The following CACNG7 variants were observed in gnomAD, a reference collection of about 807,000 sequenced individuals.
The protein encoded by CACNG7 is calcium voltage-gated channel auxiliary subunit gamma 7.
A neutral mutation model predicts 26.3 loss-of-function variants in CACNG7; 9 were observed. The ratio of observed to expected loss-of-function variants is 0.34; its 90% CI spans 0.21 to 0.60. The LOEUF (loss-of-function observed/expected upper bound fraction) is 0.60. Ranked by LOEUF, CACNG7 falls within the 20% of genes least tolerant of loss-of-function variation. CACNG7 has a pLI of 0.81. For missense variants in CACNG7, 297 were observed against 380.4 expected, an observed-to-expected ratio of 0.78 and a Z score of 1.82; for synonymous variants, 170 against 157.0, an observed-to-expected ratio of 1.08 and a Z score of -0.62.
chr19:53,910,591 G>A (rs1235071253), intron 1 of CACNG7, among the ~76,000 whole-genome samples: 1 of 152,146 alleles, frequency 6.6e-6, no homozygotes, highest in Non-Finnish European at 1.5e-5. Flanking sequence ...GGGATGTAGA[G>A]GTCTCTGGTT....
intron 4 of CACNG7, among the ~76,000 whole-genome samples, chr19:53,931,194 T>G (rs2069069080): frequency 6.6e-6 from 1 of 152,162 alleles, no homozygotes; most frequent in Non-Finnish European, 1.5e-5. Flanking sequence ...AGATCTTGTC[T>G]CTAAATAAAT....
chr19:53,922,066 C>CCCAGGTCTGGTATTGGTGGAGTTGT lies in CACNG7; in HGVS notation c.424+6563_424+6564insAGGTCTGGTATTGGTGGAGTTGTCC, dbSNP rs2068962227. ...CCCAGGCCTGGTATTGGTGGAGTTG[C>CCCAGGTCTGGTATTGGTGGAGTTGT]CCCAGGTCTGGTATTGGTGGAGTTG... is the stretch of plus-strand genomic sequence containing the variant. On this transcript the variant is annotated intron_variant, in intron 4 of 5. Coordinates refer to ENST00000391767, the MANE Select transcript of CACNG7 (RefSeq NM_031896.5). 3.0e-5 allele frequency among the ~76,000 whole-genome samples: 2 copies of CCCAGGTCTGGTATTGGTGGAGTTGT among 66,586 alleles called. 1 individual carries two copies. Among genetic ancestry groups the CCCAGGTCTGGTATTGGTGGAGTTGT allele is most frequent in the Non-Finnish European group, 6.0e-5 (2 of 33,340 alleles). The allele number at this position is 66,586 out of a possible 152,430, so 43.7% of individuals were successfully genotyped here. A position where few individuals can be genotyped will look rare whatever the true frequency, so the allele number is the denominator to read the frequency against.
chr19:53,924,201 T>TC (rs2068999404), intron 4 of CACNG7, among the ~76,000 whole-genome samples: 3 of 123,310 alleles, frequency 2.4e-5, no homozygotes, highest in Admixed American at 8.7e-5. Context: ...GGTGGAGTTG[T>TC]CCCAGGTCTG....
At chr19:53,920,775 G>GTTGCCCCAGGCTGGTTATTGGTGGAC (rs2068940113) in intron 4 of CACNG7, among the ~76,000 whole-genome samples, 1 of 71,402 alleles carries the variant, frequency 1.4e-5, no homozygotes, top group African/African-American at 1.2e-4. Flanking sequence ...CATTGGTGGA[G>GTTGCCCCAGGCTGGTTATTGGTGGAC]TTGCCCCAGG....
At chr19:53,911,276 G>C (rs751010403) in intron 1 of CACNG7, among the ~76,000 whole-genome samples, 29 of 152,028 alleles carry the variant, frequency 1.9e-4, no homozygotes, top group Non-Finnish European at 3.5e-4. Flanking sequence ...ATGTTGGCCA[G>C]GCTGGTCTCA....
Position 53,943,773 on chromosome 19 carries a change from G to C in CACNG7, c.*1480G>C, listed in dbSNP as rs1389068374. ...TAGAGGGGGCTTAGTCTGGGTCTCT[G>C]CTTCTAGGGTTGCAGGCCTAAAGTA... is the stretch of plus-strand genomic sequence containing the variant. On this transcript the variant is annotated 3_prime_UTR_variant, in exon 6 of 6. Coordinates refer to ENST00000391767, the MANE Select transcript of CACNG7 (RefSeq NM_031896.5). 6.6e-6 allele frequency: 1 copy of C among 152,140 alleles called. No homozygotes were observed. The highest frequency in any genetic ancestry group is 1.5e-5 in the Non-Finnish European group (1 of 68,014). The allele number at this position is 152,140 out of a possible 1,614,324, so 9.4% of individuals were successfully genotyped here.
intron 2 of CACNG7, 41 bp from the exon 3 acceptor site, chr19:53,914,459 G>A (rs1479078659): frequency 3.2e-6 from 5 of 1,578,314 alleles, no homozygotes; most frequent in South Asian, 2.2e-5. Context: ...CTAGAGCTTA[G>A]GAGCCTCTCA....
At chr19:53,930,069 T>C (rs2069060576) in intron 4 of CACNG7, among the ~76,000 whole-genome samples, 1 of 107,240 alleles carries the variant, frequency 9.3e-6, no homozygotes, top group Non-Finnish European at 1.7e-5. Flanking sequence ...TGGTGCTACA[T>C]GCTACAAAAA....
intron 4 of CACNG7, among the ~76,000 whole-genome samples, chr19:53,922,213 T>TATTGGTGGAGTTGTCCCCAGGTCTGGTC (rs1568775204): frequency 1.2e-5 from 1 of 84,472 alleles, no homozygotes; most frequent in Admixed American, 1.2e-4. Context: ...CCAGGTCTGG[T>TATTGGTGGAGTTGTCCCCAGGTCTGGTC]ATTGGTGGAG....
chr19:53,916,666 T>A (rs2145899591), intron 4 of CACNG7, among the ~76,000 whole-genome samples: 1 of 150,370 alleles, frequency 6.7e-6, no homozygotes, highest in Admixed American at 6.6e-5. Flanking sequence ...TTTTCTATTT[T>A]TTTTTTTTTT....
chr19:53,923,948 A>C (rs1160695201), intron 4 of CACNG7, among the ~76,000 whole-genome samples: 1 of 106,746 alleles, frequency 9.4e-6, no homozygotes, highest in Non-Finnish European at 1.8e-5. Flanking sequence ...GTATTGGTGG[A>C]GTTGTCCCCA....
In CACNG7 at chr19:53,925,107, T is replaced by C. The variant is rs1482986936; in HGVS notation, c.424+9602T>C. 4.1e-3 allele frequency among the ~76,000 whole-genome samples: 176 copies of C among 42,794 alleles called. 8 individuals are homozygous for C. Among genetic ancestry groups the C allele is most frequent in the African/African-American group, 5.0e-3 (34 of 6,746 alleles). 28.1% of individuals were successfully genotyped at this position (42,794 alleles called of 152,430 possible). A position where few individuals can be genotyped will look rare whatever the true frequency, so the allele number is the denominator to read the frequency against. Reference sequence around the variant, plus strand: ...AGGTCTGGTCATTGGTGGACTTGCCTAGGGCTGGTCATTGGTGGACTTGCC... The same window carrying C: ...AGGTCTGGTCATTGGTGGACTTGCCCAGGGCTGGTCATTGGTGGACTTGCC... On this transcript the variant is annotated intron_variant, in intron 4 of 5. Transcript: ENST00000391767.
chr19:53,915,423 C>T lies in CACNG7; in HGVS notation c.342C>T (p.Ala114=). 1 of 1,614,126 alleles carries T rather than the reference C, an allele frequency of 6.2e-7. No individual in the cohort carries two copies. ...PMVSLFLVFT[A]FVISNIGHIR... is the part of the protein sequence containing the mutation. ...TCAGCCTCTTCCTCGTGTTCACGGC[C>T]TTCGTCATCAGCAACATCGGCCACA... The change falls in exon 4 of 6, where the codon GCC becomes GCT. Residue 114 remains alanine (A), a synonymous_variant. Transcript: ENST00000391767.
intron 1 of CACNG7, among the ~76,000 whole-genome samples, chr19:53,910,016 G>A (rs1395291994): frequency 6.6e-6 from 1 of 152,148 alleles, no homozygotes; most frequent in Non-Finnish European, 1.5e-5. Context: ...GGCCTGGGGG[G>A]AGGGTCCCAA....
chr19:53,938,823 C>A (rs1471181914), intron 4 of CACNG7, among the ~76,000 whole-genome samples: 4 of 151,866 alleles, frequency 2.6e-5, no homozygotes, highest in African/African-American at 7.3e-5. Context: ...TGGTGTGCAC[C>A]TGTAGTCCCA....
Position 53,942,453 on chromosome 19 carries a change from C to T in CACNG7, c.*160C>T. On this transcript the variant is annotated 3_prime_UTR_variant, in exon 6 of 6. Transcript: ENST00000391767. This position sits in a 1 kb window ranked among gnomAD's most constrained non-coding sequence, Gnocchi z 5.9. ...GCCCTCCTCCCAATGGCTCCGCCCACAGACTCCCTTATTTCAATGGCCGCG... is the reference window on the plus strand; with the variant it reads ...GCCCTCCTCCCAATGGCTCCGCCCATAGACTCCCTTATTTCAATGGCCGCG... 3 of 1,476,392 alleles carry T rather than the reference C, an allele frequency of 2.0e-6. No homozygotes were observed. In the African/African-American group the frequency reaches 4.2e-5, roughly 21 times the overall value. The allele number at this position is 1,476,392 out of a possible 1,614,324, so 91.5% of individuals were successfully genotyped here.
intron 4 of CACNG7, among the ~76,000 whole-genome samples, chr19:53,923,841 G>C (rs1314395124): frequency 9.5e-5 from 12 of 126,834 alleles, no homozygotes; most frequent in African/African-American, 2.1e-4. Context: ...CATTGGTGGA[G>C]TTGCCCCAGG....
At chr19:53,924,064 C>T (rs1341115751) in intron 4 of CACNG7, among the ~76,000 whole-genome samples, 2 of 125,678 alleles carry the variant, frequency 1.6e-5, no homozygotes, top group African/African-American at 6.6e-5. Flanking sequence ...GTGGAGTTGT[C>T]CCCAGGTCTG....
chr19:53,911,529 G>T (rs2068862282), intron 1 of CACNG7, among the ~76,000 whole-genome samples: 1 of 152,204 alleles, frequency 6.6e-6, no homozygotes, highest in Admixed American at 6.5e-5. Context: ...CTGGAGCTAG[G>T]TTCTGGAGTG....
Sources: allele counts gnomAD v4.1 joint callset (sites outside exome capture counted in the v4.1 genomes callset), GRCh38; gene constraint gnomAD v4.1.1; non-coding constraint Gnocchi (gnomAD v3.1); transcripts MANE v1.5; gene names NCBI Gene and HGNC (gene_info 2026-07-23, HGNC 2026-07-21).